PATJ: variants seen among roughly 807,000 people sequenced by gnomAD.
The protein encoded by PATJ is inaD-like protein.
Under a neutral mutation model 224.9 loss-of-function variants are expected in PATJ, and 190 were observed. That is an observed-to-expected ratio of 0.84 (90% confidence interval 0.75 to 0.95). The LOEUF is 0.95. Among genes scored for constraint, PATJ ranks in the 40% least tolerant of loss-of-function variants. PATJ has a pLI of 0.00. For missense variants in PATJ, 2,121 were observed against 2,270.3 expected (o/e 0.93, Z 1.34); for synonymous variants, 769 against 820.3 (o/e 0.94, Z 1.07).
intron 31 of PATJ, among the ~76,000 whole-genome samples, chr1:62,059,552 G>T (rs912714742): frequency 4.0e-4 from 61 of 152,184 alleles, no homozygotes; most frequent in African/African-American, 1.4e-3. Flanking sequence ...GGGAGACGGA[G>T]GTTGCAATGA....
intron 27 of PATJ, among the ~76,000 whole-genome samples, chr1:61,931,024 A>G (rs1321495747): frequency 2.0e-5 from 3 of 151,832 alleles, no homozygotes; most frequent in Non-Finnish European, 4.4e-5. Context: ...TTTTTTTTGT[A>G]CAGATGGAAT....
chr1:61,945,603 G>A, intron 27 of PATJ, among the ~76,000 whole-genome samples: 1 of 152,102 alleles, frequency 6.6e-6, no homozygotes, highest in East Asian at 1.9e-4. Flanking sequence ...CCTACAAAGA[G>A]ACTTAGACTC....
chr1:62,109,660 A>G (rs72677951), intron 34 of PATJ, among the ~76,000 whole-genome samples: 152 of 152,350 alleles, frequency 1.0e-3, no homozygotes, highest in Admixed American at 2.1e-3. Flanking sequence ...AGATTTTCAA[A>G]TCAATTGGTG....
chr1:62,141,778 G>A (rs893193464), intron 41 of PATJ, among the ~76,000 whole-genome samples: 3 of 152,072 alleles, frequency 2.0e-5, no homozygotes, highest in African/African-American at 7.2e-5. Flanking sequence ...AGAACAGGCT[G>A]GCCAACGTGG....
chr1:61,959,882 G>T (rs988224656), intron 27 of PATJ, among the ~76,000 whole-genome samples: 1 of 152,066 alleles, frequency 6.6e-6, no homozygotes, highest in Non-Finnish European at 1.5e-5. Flanking sequence ...AATTAGCCAG[G>T]CATGGTGGCA....
chr1:61,857,072 A>T (rs1275783877), intron 18 of PATJ, among the ~76,000 whole-genome samples: 2 of 152,086 alleles, frequency 1.3e-5, no homozygotes, highest in South Asian at 4.1e-4. Context: ...GAACCCCTAT[A>T]ATGTCAAACC....
chr1:61,910,421 A>G (rs966217139), intron 25 of PATJ, among the ~76,000 whole-genome samples: 1 of 152,044 alleles, frequency 6.6e-6, no homozygotes, highest in South Asian at 2.1e-4. Context: ...CATTCAGTTC[A>G]TCAGGCATTG....
At chr1:61,979,381 G>A (rs756006294) in intron 27 of PATJ, among the ~76,000 whole-genome samples, 7 of 152,020 alleles carry the variant, frequency 4.6e-5, no homozygotes, top group African/African-American at 1.2e-4. Context: ...TAGGCCAGGC[G>A]CGGTGGTTCA....
chr1:61,969,495 T>G (rs1682638988), intron 27 of PATJ, among the ~76,000 whole-genome samples: 1 of 152,240 alleles, frequency 6.6e-6, no homozygotes, highest in Non-Finnish European at 1.5e-5. Flanking sequence ...TTCACATGCT[T>G]ATTGGCTATT....
At chr1:61,958,947 G>A (rs1008627383) in intron 27 of PATJ, among the ~76,000 whole-genome samples, 6 of 152,182 alleles carry the variant, frequency 3.9e-5, no homozygotes, top group Middle Eastern at 6.8e-3. Flanking sequence ...CAGTAAATAC[G>A]AAGAGCCTAA....
intron 24 of PATJ, among the ~76,000 whole-genome samples, chr1:61,902,234 A>T (rs1470507351): frequency 2.0e-5 from 3 of 151,952 alleles, no homozygotes; most frequent in Non-Finnish European, 4.4e-5. Context: ...AGGAAAAAAA[A>T]AAAAAGGCAT....
intron 14 of PATJ, among the ~76,000 whole-genome samples, chr1:61,820,233 G>A (rs1002652345): frequency 2.0e-5 from 3 of 151,996 alleles, no homozygotes; most frequent in Admixed American, 1.3e-4. Context: ...GTAGAGACAG[G>A]GTTTCAGTTG....
At chr1:61,789,597 GAGGCC>G (rs1280301563) in intron 8 of PATJ, among the ~76,000 whole-genome samples, 1 of 151,960 alleles carries the variant, frequency 6.6e-6, no homozygotes, top group Non-Finnish European at 1.5e-5. Flanking sequence ...TGGATCACAT[GAGGCC>G]AGGAGTTCGA....
intron 41 of PATJ, among the ~76,000 whole-genome samples, chr1:62,140,004 C>T (rs1667340182): frequency 6.6e-6 from 1 of 152,118 alleles, no homozygotes; most frequent in Non-Finnish European, 1.5e-5. Context: ...ATGTGATCTG[C>T]CTGCCTGGGC....
chr1:61,914,671 T>G lies in PATJ; in HGVS notation c.3570+7T>G, dbSNP rs1261809318. 9 of 1,521,718 alleles carry G rather than the reference T, an allele frequency of 5.9e-6. No individual in the cohort carries two copies. The highest frequency in any genetic ancestry group is 8.2e-6 in the Non-Finnish European group (9 of 1,101,670). The allele number at this position is 1,521,718 out of a possible 1,614,324, so 94.3% of individuals were successfully genotyped here. A position where few individuals can be genotyped will look rare whatever the true frequency, so the allele number is the denominator to read the frequency against. On this transcript the variant is annotated splice_region_variant and intron_variant, in intron 26 of 43. Transcript: ENST00000642238. ...CCAAGAAAAGAAAGAAAAGGTAACT[T>G]GAACCTCTCAAGGATTTAAAAAATG...
At chr1:62,146,285 A>G (rs1374206202) in intron 41 of PATJ, among the ~76,000 whole-genome samples, 2 of 152,180 alleles carry the variant, frequency 1.3e-5, no homozygotes, top group East Asian at 3.9e-4. Flanking sequence ...GTCACAGGAC[A>G]CATCACTGCA....
chr1:61,784,966 C>T (rs546268838), intron 7 of PATJ, among the ~76,000 whole-genome samples: 1 of 152,340 alleles, frequency 6.6e-6, no homozygotes, highest in South Asian at 2.1e-4. Flanking sequence ...CACTTCCAGT[C>T]CCTTCTAGTG....
intron 29 of PATJ, among the ~76,000 whole-genome samples, chr1:62,027,236 G>T (rs1648146530): frequency 6.6e-6 from 1 of 152,198 alleles, no homozygotes; most frequent in Middle Eastern, 3.2e-3. Flanking sequence ...GTCCTTCTGT[G>T]ACTGGTATAT....
At chr1:62,064,634 G>C (rs558103534) in intron 31 of PATJ, among the ~76,000 whole-genome samples, 133 of 152,200 alleles carry the variant, frequency 8.7e-4, no homozygotes, top group African/African-American at 3.1e-3. Flanking sequence ...GCCTTCATAA[G>C]TGTTTTTAAA....
Sources: allele counts gnomAD v4.1 joint callset (sites outside exome capture counted in the v4.1 genomes callset), GRCh38; gene constraint gnomAD v4.1.1; transcripts MANE v1.5; gene names NCBI Gene and HGNC (gene_info 2026-07-23, HGNC 2026-07-21).